Variants in RUNX1 observed in about 807,000 individuals in gnomAD.
RUNX1 encodes the protein runt-related transcription factor 1.
In RUNX1, 19 loss-of-function variants were observed where a neutral mutation model predicts 42.8. The ratio of observed to expected loss-of-function variants is 0.44; its 90% CI spans 0.31 to 0.65. The LOEUF (loss-of-function observed/expected upper bound fraction) is 0.65. Among genes scored for constraint, RUNX1 ranks in the 30% least tolerant of loss-of-function variants. The pLI, the probability that RUNX1 is intolerant of heterozygous loss-of-function variation, is 0.07. For synonymous variants in RUNX1, 271 were observed against 289.4 expected, an observed-to-expected ratio of 0.94 and a Z score of 0.64; for missense variants, 528 against 672.0, an observed-to-expected ratio of 0.79 and a Z score of 2.37.
intron 7 of RUNX1, among the ~76,000 whole-genome samples, chr21:34,801,872 C>T (rs918330307): frequency 8.5e-5 from 13 of 152,194 alleles, no homozygotes; most frequent in African/African-American, 2.9e-4. Flanking sequence ...ATGGGCCACC[C>T]GAGCACTGGA....
At position 34,792,165 on chromosome 21, in the gene RUNX1, G is replaced by C. The variant is rs2056447310; in HGVS notation, c.1413C>G (p.Arg471=). The change falls in exon 9 of 9, where the codon CGC becomes CGG. Residue 471 remains arginine (R), a synonymous_variant. Coordinates refer to ENST00000675419, the MANE Select transcript of RUNX1 (RefSeq NM_001754.5). This position sits in a 1 kb window ranked among gnomAD's most constrained non-coding sequence, Gnocchi z 6.9. ...AGGGCCTCCACACGGCCTCCTCCAG[G>C]CGCGCGGAGGGCGCCATGTTGGTGG... is the stretch of plus-strand genomic sequence containing the variant. The part of the protein sequence containing the change: ...NSPTNMAPSA[R]LEEAVWRPY The C allele has an allele frequency of 1.3e-6, 2 of 1,518,474 alleles. No homozygotes were observed. Among genetic ancestry groups the C allele is most frequent in the Non-Finnish European group, 1.8e-6 (2 of 1,140,268 alleles). The allele number at this position is 1,518,474 out of a possible 1,614,324, so 94.1% of individuals were successfully genotyped here.
chr21:34,841,329 G>A (rs2146114397), intron 6 of RUNX1, among the ~76,000 whole-genome samples: 1 of 152,222 alleles, frequency 6.6e-6, no homozygotes, highest in South Asian at 2.1e-4. Context: ...CTAGAGGGGT[G>A]ATGCTTTAGC....
intron 2 of RUNX1, among the ~76,000 whole-genome samples, chr21:34,922,791 A>G (rs547930413): frequency 2.6e-5 from 4 of 152,266 alleles, no homozygotes; most frequent in African/African-American, 7.2e-5. Flanking sequence ...TTTCTGCTCA[A>G]TTTGGGTTTC....
intron 3 of RUNX1, chr21:34,888,619 G>A (rs1288944520): frequency 9.5e-7 from 1 of 1,056,532 alleles, no homozygotes; most frequent in Non-Finnish European, 1.1e-6. Flanking sequence ...GCGGCGCAGG[G>A]CCGGGCAGCG....
At chr21:34,829,359 G>A (rs1210452602) in intron 7 of RUNX1, among the ~76,000 whole-genome samples, 1 of 152,182 alleles carries the variant, frequency 6.6e-6, no homozygotes, top group East Asian at 1.9e-4. Flanking sequence ...AACATATGCA[G>A]TCTACAGAAG....
At chr21:34,914,421 G>A (rs912522617) in intron 2 of RUNX1, among the ~76,000 whole-genome samples, 10 of 152,182 alleles carry the variant, frequency 6.6e-5, no homozygotes, top group Admixed American at 2.6e-4. Flanking sequence ...ATTCTGTGAT[G>A]AGGATGATAT....
At chr21:34,893,072 G>A in intron 2 of RUNX1, 109 bp from the exon 3 acceptor site, 1 of 704,736 alleles carries the variant, frequency 1.4e-6, no homozygotes, top group Non-Finnish European at 2.5e-6. Flanking sequence ...TTTTAGCACT[G>A]GAGATTTTTA....
At chr21:35,028,172 G>T (rs540069115) in intron 2 of RUNX1, among the ~76,000 whole-genome samples, 10 of 152,268 alleles carry the variant, frequency 6.6e-5, no homozygotes, top group African/African-American at 2.2e-4. Flanking sequence ...TCCTGTTACA[G>T]AAAGGTTCTT....
At chr21:35,027,280 C>T (rs1470043101) in intron 2 of RUNX1, among the ~76,000 whole-genome samples, 1 of 152,190 alleles carries the variant, frequency 6.6e-6, no homozygotes, top group Non-Finnish European at 1.5e-5. Flanking sequence ...AGGCAGGGCT[C>T]CTTAAACTTT....
chr21:34,810,629 A>G (rs2056745797), intron 7 of RUNX1, among the ~76,000 whole-genome samples: 1 of 152,192 alleles, frequency 6.6e-6, no homozygotes, highest in African/African-American at 2.4e-5. Context: ...TGCTGAAGCA[A>G]GTAACTTAAT....
intron 2 of RUNX1, among the ~76,000 whole-genome samples, chr21:35,022,825 G>A (rs2146949076): frequency 6.6e-6 from 1 of 151,878 alleles, no homozygotes; most frequent in South Asian, 2.1e-4. Flanking sequence ...AACCCAGGAG[G>A]TGGAGGTTGC....
chr21:34,881,317 G>T (rs920523466), intron 4 of RUNX1, among the ~76,000 whole-genome samples: 2 of 152,164 alleles, frequency 1.3e-5, no homozygotes, highest in African/African-American at 4.8e-5. Context: ...TCTGCTAAAA[G>T]TAGATTTCAT....
chr21:34,872,827 T>C (rs529243361), intron 5 of RUNX1, among the ~76,000 whole-genome samples: 2 of 152,304 alleles, frequency 1.3e-5, no homozygotes, highest in South Asian at 2.1e-4. Context: ...CCCAACCCAA[T>C]ACACGACCAC....
chr21:34,933,128 G>A (rs1364146679), intron 2 of RUNX1, among the ~76,000 whole-genome samples: 2 of 152,198 alleles, frequency 1.3e-5, no homozygotes, highest in Non-Finnish European at 2.9e-5. Flanking sequence ...AATCAGGATT[G>A]CAAAGCTATA....
intron 2 of RUNX1, among the ~76,000 whole-genome samples, chr21:34,909,228 C>T (rs561279419): frequency 1.3e-5 from 2 of 152,234 alleles, no homozygotes; most frequent in South Asian, 4.1e-4. Context: ...CCTGACAGTA[C>T]ACCCGACCCT....
At chr21:34,932,674 G>A (rs1406575754) in intron 2 of RUNX1, among the ~76,000 whole-genome samples, 1 of 152,144 alleles carries the variant, frequency 6.6e-6, no homozygotes, top group East Asian at 1.9e-4. Flanking sequence ...ACTAACTCAA[G>A]TAGTAGAGTT....
chr21:34,931,140 G>A (rs1382567216), intron 2 of RUNX1, among the ~76,000 whole-genome samples: 1 of 151,918 alleles, frequency 6.6e-6, no homozygotes, highest in Non-Finnish European at 1.5e-5. Context: ...TCTGATGAAC[G>A]CATAAAAGGA....
At chr21:34,899,436 C>G (rs2058159502) in intron 2 of RUNX1, among the ~76,000 whole-genome samples, 1 of 152,120 alleles carries the variant, frequency 6.6e-6, no homozygotes, top group South Asian at 2.1e-4. Context: ...CTCCCTCCCT[C>G]CCTCCACCGA....
intron 2 of RUNX1, among the ~76,000 whole-genome samples, chr21:34,998,802 A>C (rs896114556): frequency 2.0e-5 from 3 of 152,062 alleles, no homozygotes; most frequent in African/African-American, 7.3e-5. Flanking sequence ...TGCCCTCCCA[A>C]AGTGCTGGGA....
Sources: allele counts gnomAD v4.1 joint callset (sites outside exome capture counted in the v4.1 genomes callset), GRCh38; gene constraint gnomAD v4.1.1; non-coding constraint Gnocchi (gnomAD v3.1); transcripts MANE v1.5; gene names NCBI Gene and HGNC (gene_info 2026-07-23, HGNC 2026-07-21).